ASXL2: variants seen among roughly 807,000 people sequenced by gnomAD.
ASXL2 encodes the protein ASXL transcriptional regulator 2, also known as putative Polycomb group protein ASXL2.
Under a neutral mutation model 122.0 loss-of-function variants are expected in ASXL2, and 23 were observed. The ratio of observed to expected loss-of-function variants is 0.19; its 90% CI spans 0.14 to 0.27. The LOEUF is 0.27. Ranked by LOEUF, ASXL2 falls within the 10% of genes least tolerant of loss-of-function variation. The pLI is 1.00. For synonymous variants in ASXL2, 650 were observed against 637.0 expected, an observed-to-expected ratio of 1.02 and a Z score of -0.31; for missense variants, 1,518 against 1,713.8, an observed-to-expected ratio of 0.89 and a Z score of 2.02.
rs914690068 is a variant in ASXL2, at chr2:25,848,902, TG to T, written c.58-3340del. Among the ~76,000 whole-genome samples, 358 of 147,616 alleles carry T rather than the reference TG, an allele frequency of 2.4e-3. 2 individuals are homozygous for T. The highest frequency in any genetic ancestry group is 8.9e-3 in the African/African-American group (341 of 38,424). On this transcript the variant is annotated intron_variant, in intron 1 of 12. Transcript: ENST00000435504. ...CTCTACTAAAAATACAAAAATTAAC[TG>T]GGCATGGTGGCAGGTGCCTGTAGTC...
chr2:25,755,680 A>G (rs1180639297), intron 10 of ASXL2, among the ~76,000 whole-genome samples: 2 of 152,222 alleles, frequency 1.3e-5, no homozygotes, highest in Non-Finnish European at 2.9e-5. Context: ...CTAATTCTAT[A>G]CTTTTATTAG....
rs746779573 is a variant in ASXL2 at position 25,742,937 on chromosome 2, C to T, written c.3400G>A (p.Gly1134Ser). 3.8e-5 allele frequency: 61 copies of T among 1,613,834 alleles called. No individual in the cohort carries two copies. The East Asian group carries it at 1.3e-3, about 35-fold the overall frequency. ...TGGGTCCTCCTAAAGCTCTCTGAGC[C>T]CCGGCCGTAGGTAGAAATATTCAGT... ...YLLNISTYGR[G>S]SESFRRTHSV... Residue 1134 changes from glycine to serine, a missense_variant, in exon 13 of 13, where the codon GGC becomes AGC. By Grantham distance (56) the Gly-to-Ser change is moderately conservative. Around this residue, in one of 8 missense-constraint regions of ASXL2, gnomAD observed 831 missense variants for 833.1 expected, o/e 1.00. Coordinates refer to ENST00000435504, the MANE Select transcript of ASXL2 (RefSeq NM_018263.6).
At chr2:25,830,532 A>G (rs1247469228) in intron 3 of ASXL2, among the ~76,000 whole-genome samples, 1 of 151,952 alleles carries the variant, frequency 6.6e-6, no homozygotes, top group Non-Finnish European at 1.5e-5. Flanking sequence ...AGGCTGAGGC[A>G]GGATAATTGC....
At position 25,786,243 on chromosome 2, in the gene ASXL2, C is replaced by CTTTTTTTTTTTTTTTTTTTTTTT. The variant is rs370316025; in HGVS notation, c.403+13141_403+13142insAAAAAAAAAAAAAAAAAAAAAAA. Among the ~76,000 whole-genome samples, 12 of 112,400 alleles carry CTTTTTTTTTTTTTTTTTTTTTTT rather than the reference C, an allele frequency of 1.1e-4. 2 individuals carry two copies. The highest frequency in any genetic ancestry group is 3.4e-4 in the African/African-American group (9 of 26,214). The allele number at this position is 112,400 out of a possible 152,430, so 73.7% of individuals were successfully genotyped here. On this transcript the variant is annotated intron_variant, in intron 5 of 12. Transcript: ENST00000435504. ...AAACAACCTACTACTCCACATCATT[C>CTTTTTTTTTTTTTTTTTTTTTTT]TTTTTTTTTTTTTTTTGAGATGGAG...
In ASXL2 at chr2:25,736,376, T is replaced by A. The variant is rs1409352110; in HGVS notation, c.*5653A>T. The A allele has an allele frequency of 6.6e-6, 1 of 152,176 alleles. No homozygotes were observed. Among genetic ancestry groups the A allele is most frequent in the Non-Finnish European group, 1.5e-5 (1 of 68,020 alleles). The allele number at this position is 152,176 out of a possible 1,614,324, so 9.4% of individuals were successfully genotyped here. ...AATAATGATAAATATGTACCAGAAA[T>A]GGGGAGTCAATCTTTGTAAATGGTC... On this transcript the variant is annotated 3_prime_UTR_variant, in exon 13 of 13. Coordinates refer to ENST00000435504, the MANE Select transcript of ASXL2 (RefSeq NM_018263.6).
intron 1 of ASXL2, among the ~76,000 whole-genome samples, chr2:25,846,238 T>TC (rs999164464): frequency 2.6e-5 from 4 of 152,106 alleles, no homozygotes; most frequent in Middle Eastern, 3.2e-3. Context: ...TCTGGGTTTT[T>TC]CCCCCCTTTC....
intron 3 of ASXL2, chr2:25,822,664 T>TAA: frequency 1.5e-6 from 1 of 651,150 alleles, no homozygotes; most frequent in Non-Finnish European, 2.8e-6. Context: ...ATTCCAAGCA[T>TAA]AAAAAAAACG....
chr2:25,750,690 CAT>C (rs1307980979), intron 11 of ASXL2, among the ~76,000 whole-genome samples: 1 of 152,178 alleles, frequency 6.6e-6, no homozygotes, highest in Non-Finnish European at 1.5e-5. Flanking sequence ...TTAATTACTT[CAT>C]AGTGTTGCTA....
rs184366934 is a variant in ASXL2, at chr2:25,765,115, G to C, written c.775+2468C>G. Among the ~76,000 whole-genome samples, 550 of 152,264 alleles carry C rather than the reference G, an allele frequency of 3.6e-3. 1 individual carries two copies. Among genetic ancestry groups the C allele is most frequent in the African/African-American group, 0.013 (531 of 41,528 alleles). On this transcript the variant is annotated intron_variant, in intron 8 of 12. Transcript: ENST00000435504. The stretch of plus-strand genomic sequence containing the variant: ...ATAAAAATGATACCAATGTCAGCTA[G>C]AAAGTATTTTATATAAATTAGCTAA...
At chr2:25,871,358 G>C (rs2089960811) in intron 1 of ASXL2, among the ~76,000 whole-genome samples, 1 of 152,108 alleles carries the variant, frequency 6.6e-6, no homozygotes, top group African/African-American at 2.4e-5. Context: ...CTGTGGATGG[G>C]GAAGCAGAAA....
intron 5 of ASXL2, among the ~76,000 whole-genome samples, chr2:25,773,393 C>CGGT (rs1201623817): frequency 1.2e-4 from 18 of 151,442 alleles, no homozygotes. Flanking sequence ...TGGCCAGGCG[C>CGGT]GGTGGCTCAC....
At chr2:25,851,784 G>A (rs1237525462) in intron 1 of ASXL2, among the ~76,000 whole-genome samples, 1 of 152,098 alleles carries the variant, frequency 6.6e-6, no homozygotes, top group Non-Finnish European at 1.5e-5. Context: ...CCAGCTACTC[G>A]GGAGGCTGAG....
At chr2:25,800,900 T>C (rs146058517) in intron 4 of ASXL2, among the ~76,000 whole-genome samples, 1 of 152,262 alleles carries the variant, frequency 6.6e-6, no homozygotes, top group East Asian at 1.9e-4. Flanking sequence ...TACACATGTA[T>C]GGCTAAACAC....
intron 1 of ASXL2, among the ~76,000 whole-genome samples, chr2:25,869,425 T>C (rs1440132997): frequency 6.6e-6 from 1 of 151,948 alleles, no homozygotes; most frequent in Admixed American, 6.6e-5. Context: ...AGAAACTCAG[T>C]TAAGGTCTGC....
At chr2:25,823,633 TTGTTTAAGAGTC>T (rs2089339160) in intron 3 of ASXL2, among the ~76,000 whole-genome samples, 1 of 152,204 alleles carries the variant, frequency 6.6e-6, no homozygotes, top group East Asian at 1.9e-4. Context: ...ACATTGTTGT[TTGTTTAAGAGTC>T]TGTACATTTA....
chr2:25,841,633 G>A (rs750274625), intron 2 of ASXL2, among the ~76,000 whole-genome samples: 6 of 152,032 alleles, frequency 3.9e-5, no homozygotes, highest in African/African-American at 4.8e-5. Flanking sequence ...GATCATTTGA[G>A]GTCAGGAGTT....
intron 1 of ASXL2, among the ~76,000 whole-genome samples, chr2:25,860,265 C>T (rs1336089448): frequency 2.6e-5 from 4 of 151,530 alleles, no homozygotes; most frequent in African/African-American, 9.7e-5. Flanking sequence ...GGGCCGAGGT[C>T]GCGCCACTGC....
Position 25,878,166 on chromosome 2 carries a change from C to G in ASXL2, c.57G>C (p.Thr19=). The G allele has an allele frequency of 6.2e-7, 1 of 1,613,878 alleles. No homozygotes were observed. Among genetic ancestry groups the G allele is most frequent in the Non-Finnish European group, 8.5e-7 (1 of 1,179,866 alleles). The stretch of plus-strand genomic sequence containing the variant: ...TTCCCCTTCGCTCCCTCCCCCTTAC[C>G]GTCTTGGCGGCCTCCGCCCAGGTCC... ...KGRTWAEAAK[T]VLEKYPNTPM... is the part of the protein sequence containing the mutation. Residue 19 remains threonine (T), a splice_region_variant and synonymous_variant, in exon 1 of 13, where the codon ACG becomes ACC. Coordinates refer to ENST00000435504, the MANE Select transcript of ASXL2 (RefSeq NM_018263.6).
chr2:25,823,510 A>C (rs2089336983), intron 3 of ASXL2, among the ~76,000 whole-genome samples: 1 of 152,216 alleles, frequency 6.6e-6, no homozygotes, highest in Non-Finnish European at 1.5e-5. Flanking sequence ...CATGTATCTT[A>C]GCTAAAACTA....
Sources: allele counts gnomAD v4.1 joint callset (sites outside exome capture counted in the v4.1 genomes callset), GRCh38; gene constraint gnomAD v4.1.1; regional missense constraint gnomAD v4.1.1; transcripts MANE v1.5; gene names NCBI Gene and HGNC (gene_info 2026-07-23, HGNC 2026-07-21).